CCDC73: variants seen among roughly 807,000 people sequenced by gnomAD.
The protein encoded by CCDC73 is coiled-coil domain-containing protein 73.
CCDC73 carries 95 observed loss-of-function variants against 116.5 expected under a neutral mutation model. That is an observed-to-expected ratio of 0.82 (90% CI 0.69 to 0.97). CCDC73 has a LOEUF of 0.97. Ranked by LOEUF, CCDC73 falls within the 50% of genes least tolerant of loss-of-function variation. The probability of loss-of-function intolerance (pLI) is 0.00; values close to 1 mark genes in which losing one functional copy is unlikely to be tolerated. For missense variants in CCDC73, 1,066 were observed against 1,206.8 expected, an observed-to-expected ratio of 0.88 and a Z score of 1.73; for synonymous variants, 398 against 401.3, an observed-to-expected ratio of 0.99 and a Z score of 0.10.
chr11:32,652,054 A>C (rs1159315964), intron 12 of CCDC73, among the ~76,000 whole-genome samples: 2 of 152,228 alleles, frequency 1.3e-5, no homozygotes, highest in Non-Finnish European at 2.9e-5. Context: ...CTCCATTAGC[A>C]CAGATTACTC....
Position 32,614,085 on chromosome 11 carries a change from C to T in CCDC73, c.2233G>A (p.Gly745Arg). 1 of 1,613,344 alleles carries T rather than the reference C, an allele frequency of 6.2e-7. No homozygotes were observed. The highest frequency in any genetic ancestry group is 8.5e-7 in the Non-Finnish European group (1 of 1,179,878). ...CTCATATTTTTACACATAGTTTTTC[C>T]CCCAGGGCTTGAGTTAGGTTTCACC... Reference protein sequence around the residue: ...MLVKPNSSPGGKTMCKNMSDM... With the variant: ...MLVKPNSSPGRKTMCKNMSDM... The change falls in exon 16 of 18, where the codon GGA becomes AGA. Residue 745 changes from glycine to arginine, a missense_variant. Transcript: ENST00000335185.
chr11:32,751,214 CCCTCT>C (rs1193618983), intron 2 of CCDC73, among the ~76,000 whole-genome samples: 3 of 152,154 alleles, frequency 2.0e-5, no homozygotes, highest in Non-Finnish European at 2.9e-5. Context: ...CTTACCTCTT[CCCTCT>C]CCTCTCTTCA....
At chr11:32,733,252 C>A (rs1850096306) in intron 2 of CCDC73, among the ~76,000 whole-genome samples, 1 of 152,188 alleles carries the variant, frequency 6.6e-6, no homozygotes. Flanking sequence ...AATTCAGGAG[C>A]ACCCAGTTTC....
intron 7 of CCDC73, chr11:32,682,378 ATAT>A (rs1468985161): frequency 9.2e-5 from 14 of 152,056 alleles, no homozygotes; most frequent in African/African-American, 3.1e-4. Flanking sequence ...TAGTCTGACA[ATAT>A]TATTTTTATT....
In CCDC73 at chr11:32,642,875, T is replaced by A. The variant is rs543716656; in HGVS notation, c.940-793A>T. The stretch of plus-strand genomic sequence containing the variant: ...AGCCACACAAAAGGATTTTTTTTTT[T>A]AAAAAAAGTAAAGTTATTCTCTCAG... On this transcript the variant is annotated intron_variant, in intron 12 of 17. Transcript: ENST00000335185. 4.3e-3 allele frequency among the ~76,000 whole-genome samples: 655 copies of A among 151,384 alleles called. 2 individuals are homozygous for A. Among genetic ancestry groups the A allele is most frequent in the Non-Finnish European group, 4.9e-3 (330 of 67,636 alleles).
chr11:32,615,476 C>A (rs1326728380), intron 15 of CCDC73, among the ~76,000 whole-genome samples: 2 of 152,038 alleles, frequency 1.3e-5, no homozygotes, highest in Non-Finnish European at 2.9e-5. Flanking sequence ...TATAGAATAT[C>A]TACTTAATCA....
intron 2 of CCDC73, among the ~76,000 whole-genome samples, chr11:32,739,772 G>C (rs1245324284): frequency 2.0e-5 from 3 of 150,866 alleles, no homozygotes; most frequent in African/African-American, 7.4e-5. Context: ...AGATTTTAGA[G>C]GAAAAGGTTT....
chr11:32,810,562 ATTACT>A, the CCDC73 span, among the ~76,000 whole-genome samples: 2 of 152,204 alleles, frequency 1.3e-5, no homozygotes, highest in Non-Finnish European at 2.9e-5. Context: ...GAAAAAGGAA[ATTACT>A]TTATTATAGT....
In CCDC73 at chr11:32,763,372, G is replaced by A. The variant is rs377654093; in HGVS notation, c.-15-3114C>T. On this transcript the variant is annotated intron_variant, in intron 1 of 17. Transcript: ENST00000335185. ...GTAGGGGCAGACTGATACCTCACAT[G>A]GCCGGGTACCCCTCTGAGACAAACC... is the stretch of plus-strand genomic sequence containing the variant. 1.4e-4 allele frequency among the ~76,000 whole-genome samples: 22 copies of A among 152,322 alleles called. No individual in the cohort carries two copies. In the South Asian group the frequency reaches 4.1e-3, roughly 29 times the overall value.
chr11:32,706,915 T>A (rs1437283293), intron 3 of CCDC73, among the ~76,000 whole-genome samples: 2 of 152,174 alleles, frequency 1.3e-5, no homozygotes, highest in African/African-American at 4.8e-5. Flanking sequence ...TTCCCTCAGA[T>A]CCCTGATGAC....
chr11:32,722,879 T>A (rs1247477888), intron 2 of CCDC73, among the ~76,000 whole-genome samples: 1 of 152,182 alleles, frequency 6.6e-6, no homozygotes, highest in Admixed American at 6.5e-5. Context: ...ATTGCCATTT[T>A]ATACATAAGG....
At chr11:32,731,300 C>T (rs1850075786) in intron 2 of CCDC73, among the ~76,000 whole-genome samples, 1 of 152,170 alleles carries the variant, frequency 6.6e-6, no homozygotes, top group Non-Finnish European at 1.5e-5. Flanking sequence ...TAGAGCCCAC[C>T]ACAGTTCATG....
intron 6 of CCDC73, among the ~76,000 whole-genome samples, chr11:32,686,682 T>G (rs1856204932): frequency 1.3e-5 from 2 of 152,144 alleles, no homozygotes. Context: ...TCACACACCT[T>G]ATTATCTCTG....
intron 2 of CCDC73, among the ~76,000 whole-genome samples, chr11:32,755,031 G>A (rs984669530): frequency 6.7e-6 from 1 of 150,048 alleles, no homozygotes; most frequent in Non-Finnish European, 1.5e-5. Context: ...GGGATTACAG[G>A]CATCCATCAC....
At chr11:32,802,919 A>C in the CCDC73 span, among the ~76,000 whole-genome samples, 2 of 147,798 alleles carry the variant, frequency 1.4e-5, no homozygotes, top group Non-Finnish European at 3.0e-5. Context: ...TGCCCAGCTA[A>C]TTTTTCTTTT....
At chr11:32,774,467 AT>A (rs1235744158) in intron 1 of CCDC73, among the ~76,000 whole-genome samples, 1 of 152,154 alleles carries the variant, frequency 6.6e-6, no homozygotes, top group African/African-American at 2.4e-5. Context: ...ATTATGTTTA[AT>A]TTAAAGTTCT....
chr11:32,789,729 T>C (rs1565102235), intron 1 of CCDC73, among the ~76,000 whole-genome samples: 2 of 152,132 alleles, frequency 1.3e-5, no homozygotes, highest in South Asian at 2.1e-4. Flanking sequence ...GCTATGATCG[T>C]GCCACTACAC....
chr11:32,805,840 G>A, the CCDC73 span, among the ~76,000 whole-genome samples: 1 of 152,148 alleles, frequency 6.6e-6, no homozygotes, highest in African/African-American at 2.4e-5. Flanking sequence ...TCTCTGTGGA[G>A]ACTCAACTGG....
chr11:32,612,938 TTAACA>T (rs1463040220), intron 16 of CCDC73, among the ~76,000 whole-genome samples: 1 of 152,188 alleles, frequency 6.6e-6, no homozygotes. Context: ...TCTATTCTCT[TTAACA>T]TCTGAATGCA....
Sources: gnomAD v4.1 joint callset for allele counts (sites outside exome capture counted in the v4.1 genomes callset) on GRCh38, gnomAD v4.1.1 for gene constraint, MANE v1.5 for transcripts, NCBI Gene and HGNC (gene_info 2026-07-23, HGNC 2026-07-21) for gene names.